Variants in KANK1 observed in about 807,000 individuals in gnomAD.
The protein encoded by KANK1 is KN motif and ankyrin repeat domain-containing protein 1.
A neutral mutation model predicts 106.2 loss-of-function variants in KANK1; 109 were observed. The ratio of observed to expected loss-of-function variants is 1.03; its 90% CI spans 0.88 to 1.20. The LOEUF is 1.20. Among genes scored for constraint, KANK1 ranks in the 50% most tolerant of loss-of-function variants. KANK1 has a pLI of 0.00. For synonymous variants in KANK1, 873 were observed against 652.2 expected, an observed-to-expected ratio of 1.34 and a Z score of -5.16; for missense variants, 2,399 against 1,710.7, an observed-to-expected ratio of 1.40 and a Z score of -7.10.
At chr9:670,972 T>G (rs1180796234) in intron 1 of KANK1, among the ~76,000 whole-genome samples, 5 of 147,442 alleles carry the variant, frequency 3.4e-5, no homozygotes, top group East Asian at 4.1e-4. Context: ...TTTTTTTTTT[T>G]TTTTTTACTT....
At chr9:615,464 A>G (rs1166229142) in intron 1 of KANK1, among the ~76,000 whole-genome samples, 3 of 152,072 alleles carry the variant, frequency 2.0e-5, no homozygotes, top group Admixed American at 1.3e-4. Flanking sequence ...CCCACATTTT[A>G]AAATTATGCT....
intron 1 of KANK1, among the ~76,000 whole-genome samples, chr9:664,176 C>A (rs1401039814): frequency 1.3e-5 from 2 of 152,102 alleles, no homozygotes; most frequent in Non-Finnish European, 2.9e-5. Context: ...AGTCTTATTT[C>A]TTCTAAGTGT....
chr9:710,639 AC>A lies in KANK1; in HGVS notation c.38-164del, dbSNP rs1458603512. Reference sequence around the variant, plus strand: ...TCAAAAAAAAAAAAAACAAAAAAAAACAAAAAAAACTTGCTTACCCAGCTGT... The same window carrying A: ...TCAAAAAAAAAAAAAACAAAAAAAAAAAAAAAAACTTGCTTACCCAGCTGT... On this transcript the variant is annotated intron_variant, in intron 2 of 11. Coordinates refer to ENST00000382297, the MANE Select transcript of KANK1 (RefSeq NM_015158.5). Among the ~76,000 whole-genome samples, 9,864 of 93,214 alleles carry A rather than the reference AC, an allele frequency of 0.11. 1,969 individuals carry two copies. The highest frequency in any genetic ancestry group is 0.19 in the African/African-American group (2,304 of 12,170). The allele number at this position is 93,214 out of a possible 152,430, so 61.2% of individuals were successfully genotyped here.
At chr9:633,706 G>T (rs1235699901) in intron 1 of KANK1, among the ~76,000 whole-genome samples, 1 of 152,158 alleles carries the variant, frequency 6.6e-6, no homozygotes, top group African/African-American at 2.4e-5. Flanking sequence ...AGGCTAGTGT[G>T]CAGTGGCATG....
intron 6 of KANK1, chr9:734,067 C>G (rs1833024608): frequency 7.2e-6 from 1 of 138,394 alleles, no homozygotes; most frequent in African/African-American, 2.7e-5. Flanking sequence ...CGTGATTGCA[C>G]CACTGCACTC....
intron 1 of KANK1, among the ~76,000 whole-genome samples, chr9:649,558 A>T (rs1280415174): frequency 5.9e-5 from 9 of 152,208 alleles, no homozygotes; most frequent in African/African-American, 2.2e-4. Context: ...GATTATAGCT[A>T]CACACTATAG....
chr9:721,717 G>T (rs10815523), intron 3 of KANK1, among the ~76,000 whole-genome samples: 56,367 of 152,098 alleles, frequency 0.37, 12,268 homozygotes, highest in Non-Finnish European at 0.5. Flanking sequence ...TGGTTCTACA[G>T]GGACTCCTGA....
intron 8 of KANK1, among the ~76,000 whole-genome samples, chr9:740,390 G>A (rs1025248257): frequency 9.9e-5 from 15 of 152,112 alleles, no homozygotes; most frequent in Non-Finnish European, 1.3e-4. Flanking sequence ...ATACGTAAGC[G>A]TTTGCAAACA....
At chr9:677,875 C>G (rs1176906938) in intron 2 of KANK1, among the ~76,000 whole-genome samples, 6 of 152,148 alleles carry the variant, frequency 3.9e-5, no homozygotes, top group Non-Finnish European at 8.8e-5. Flanking sequence ...CAGCACTAAC[C>G]GTGAAATATT....
At chr9:599,662 C>T (rs972087976) in intron 1 of KANK1, among the ~76,000 whole-genome samples, 3 of 151,810 alleles carry the variant, frequency 2.0e-5, no homozygotes, top group East Asian at 1.9e-4. Context: ...TGCAGGTCCA[C>T]GTGCAGGTCT....
intron 1 of KANK1, among the ~76,000 whole-genome samples, chr9:582,003 C>T (rs1414961652): frequency 1.3e-5 from 2 of 152,176 alleles, no homozygotes; most frequent in African/African-American, 2.4e-5. Flanking sequence ...AGAAGGTAAG[C>T]CAGAGCCCTC....
intron 1 of KANK1, among the ~76,000 whole-genome samples, chr9:523,232 C>G (rs1249201646): frequency 6.6e-6 from 1 of 151,656 alleles, no homozygotes; most frequent in African/African-American, 2.4e-5. Flanking sequence ...CTTATTTCCC[C>G]CAAACTCCTT....
chr9:609,273 T>A (rs909716332), intron 1 of KANK1, among the ~76,000 whole-genome samples: 3 of 152,230 alleles, frequency 2.0e-5, no homozygotes, highest in African/African-American at 7.2e-5. Context: ...ATTAAATAGA[T>A]TTGCTTAACA....
rs749326154 is a variant in KANK1, at chr9:742,423, G to C, written c.3897+18G>C. 3.1e-6 allele frequency: 5 copies of C among 1,596,370 alleles called. No individual in the cohort carries two copies. Among genetic ancestry groups the C allele is most frequent in the East Asian group, 4.5e-5 (2 of 44,636 alleles). On this transcript the variant is annotated intron_variant, in intron 10 of 11. Coordinates refer to ENST00000382297, the MANE Select transcript of KANK1 (RefSeq NM_015158.5). ...AGGACAACGTAAGCTGTCTCCATTG[G>C]GCCTCCTGGCCAGGGGTCTGGGGGA...
At position 662,593 on chromosome 9, in the gene KANK1, G is replaced by T. The variant is rs188535165; in HGVS notation, c.-83-14297G>T. On this transcript the variant is annotated intron_variant, in intron 1 of 11. Coordinates refer to ENST00000382297, the MANE Select transcript of KANK1 (RefSeq NM_015158.5). The stretch of plus-strand genomic sequence containing the variant: ...AAGCATTCCCTGTTTAATAAGTGGG[G>T]CTGGGAAAACTGGCTAACTATATTT... Among the ~76,000 whole-genome samples the T allele has an allele frequency of 7.2e-5, 11 of 152,116 alleles. No homozygotes were observed. The East Asian group carries it at 2.1e-3, about 29-fold the overall frequency.
In KANK1 at chr9:706,839, G is replaced by T. The variant is rs1030317992; in HGVS notation, c.38-3965G>T. 5 of 985,534 alleles carry T rather than the reference G, an allele frequency of 5.1e-6. No individual in the cohort carries two copies. The African/African-American group carries it at 8.7e-5, about 17-fold the overall frequency. The allele number at this position is 985,534 out of a possible 1,614,324, so 61.0% of individuals were successfully genotyped here. On this transcript the variant is annotated intron_variant, in intron 2 of 11. Transcript: ENST00000382297. Reference sequence around the variant, plus strand: ...CCTCTGCACCTCCTCAGGTGACCGAGGGCTGGGCAGGAGGACACAGACTCT... The same window carrying T: ...CCTCTGCACCTCCTCAGGTGACCGATGGCTGGGCAGGAGGACACAGACTCT...
chr9:544,447 C>T (rs868222499), intron 1 of KANK1, among the ~76,000 whole-genome samples: 1 of 152,156 alleles, frequency 6.6e-6, no homozygotes, highest in African/African-American at 2.4e-5. Flanking sequence ...CTTCGTACTT[C>T]TTATCTTCAC....
intron 8 of KANK1, among the ~76,000 whole-genome samples, chr9:739,342 C>A (rs1460648663): frequency 6.6e-6 from 1 of 152,188 alleles, no homozygotes; most frequent in African/African-American, 2.4e-5. Context: ...TTAGAATATG[C>A]AATCATACTG....
At chr9:705,030 C>T (rs1224242026) in intron 2 of KANK1, among the ~76,000 whole-genome samples, 1 of 147,238 alleles carries the variant, frequency 6.8e-6, no homozygotes, top group Admixed American at 6.8e-5. Context: ...GCAATACCCA[C>T]GTGTTGTAAA....
Sources: gnomAD v4.1 joint callset for allele counts (sites outside exome capture counted in the v4.1 genomes callset) on GRCh38, gnomAD v4.1.1 for gene constraint, MANE v1.5 for transcripts, NCBI Gene and HGNC (gene_info 2026-07-23, HGNC 2026-07-21) for gene names.